The following HSPA4L variants were observed in gnomAD, a reference collection of about 807,000 sequenced individuals.
HSPA4L encodes heat shock protein family A (Hsp70) member 4 like.
HSPA4L carries 48 observed loss-of-function variants against 100.3 expected under a neutral mutation model. The observed-to-expected ratio is 0.48, with a 90% CI of 0.38 to 0.61. HSPA4L has a LOEUF of 0.61. Ranked by LOEUF, HSPA4L falls within the 20% of genes least tolerant of loss-of-function variation. HSPA4L has a pLI of 0.00. For missense variants in HSPA4L, 886 were observed against 988.6 expected, an observed-to-expected ratio of 0.90 and a Z score of 1.39; for synonymous variants, 319 against 328.2, an observed-to-expected ratio of 0.97 and a Z score of 0.30.
chr4:127,817,978 G>T (rs373935421), intron 12 of HSPA4L, among the ~76,000 whole-genome samples: 2 of 152,002 alleles, frequency 1.3e-5, no homozygotes. Context: ...GGTATTTCTC[G>T]TAATGCTATC....
Position 127,834,615 on chromosome 4 carries a change from C to T in HSPA4L, c.*1741C>T, listed in dbSNP as rs1734163175. 1 of 152,148 alleles carries T rather than the reference C, an allele frequency of 6.6e-6. No individual in the cohort carries two copies. Among genetic ancestry groups the T allele is most frequent in the South Asian group, 2.1e-4 (1 of 4,828 alleles). 9.4% of individuals were successfully genotyped at this position (152,148 alleles called of 1,614,324 possible). ...GGTATATCCAATAGGTGATGAAATA[C>T]ATTTTTTACAAACATAGATGCTTTT... is the stretch of plus-strand genomic sequence containing the variant. On this transcript the variant is annotated 3_prime_UTR_variant, in exon 19 of 19. Coordinates refer to ENST00000296464, the MANE Select transcript of HSPA4L (RefSeq NM_014278.4).
At chr4:127,805,602 G>C (rs1733331189) in intron 9 of HSPA4L, 85 bp from the exon 10 acceptor site, 2 of 921,598 alleles carry the variant, frequency 2.2e-6, no homozygotes, top group South Asian at 4.0e-5. Context: ...TGTAATAGGA[G>C]GACTCTATTA....
At chr4:127,831,988 T>G (rs1734095596) in intron 18 of HSPA4L, among the ~76,000 whole-genome samples, 1 of 152,088 alleles carries the variant, frequency 6.6e-6, no homozygotes, top group Admixed American at 6.5e-5. Context: ...ATGTGGAGTG[T>G]GACAAGAGCA....
Position 127,798,695 on chromosome 4 carries a change from G to C in HSPA4L, c.415G>C (p.Asp139His), listed in dbSNP as rs769924862. Reference protein sequence around the residue: ...SENALKKPVADCVISIPSFFT... With the variant: ...SENALKKPVAHCVISIPSFFT... ...AAATGCTTTGAAGAAACCAGTGGCT[G>C]ACTGTGTGATTTCAGTAAGTTTTAC... Residue 139 changes from aspartate (D) to histidine (H), a missense_variant, in exon 4 of 19, where the codon GAC (aspartate) becomes CAC (histidine). By Grantham distance (81) the Asp-to-His change is moderately conservative. Coordinates refer to ENST00000296464, the MANE Select transcript of HSPA4L (RefSeq NM_014278.4). 1 of 1,613,536 alleles carries C rather than the reference G, an allele frequency of 6.2e-7. No individual in the cohort carries two copies. The highest frequency in any genetic ancestry group is 8.5e-7 in the Non-Finnish European group (1 of 1,179,638).
At chr4:127,794,021 A>C (rs1435746289) in intron 1 of HSPA4L, 56 bp from the exon 2 acceptor site, 2 of 1,253,200 alleles carry the variant, frequency 1.6e-6, no homozygotes, top group African/African-American at 1.5e-5. Context: ...GAAGCAAAAT[A>C]ATAGCACAAT....
At chr4:127,796,010 G>A (rs1360700134) in intron 3 of HSPA4L, 102 bp downstream of exon 3, 14 of 1,000,538 alleles carry the variant, frequency 1.4e-5, no homozygotes, top group Non-Finnish European at 2.1e-5. Context: ...TCTAGATACA[G>A]TACATACACA....
At position 127,836,966 on chromosome 4, in the gene HSPA4L, A is replaced by C. The variant is rs771673253; in HGVS notation, c.*4092A>C. 6.6e-6 allele frequency: 1 copy of C among 151,928 alleles called. No homozygotes were observed. Among genetic ancestry groups the C allele is most frequent in the Non-Finnish European group, 1.5e-5 (1 of 67,984 alleles). 9.4% of individuals were successfully genotyped at this position (151,928 alleles called of 1,614,324 possible). ...AATTTTTTTTTTTGTTTTGAGACAG[A>C]GTATGGCTTTGTTACCCAGGCTGGA... On this transcript the variant is annotated 3_prime_UTR_variant, in exon 19 of 19. Transcript: ENST00000296464.
intron 1 of HSPA4L, among the ~76,000 whole-genome samples, chr4:127,786,865 G>A (rs907019747): frequency 1.3e-5 from 2 of 152,154 alleles, no homozygotes; most frequent in African/African-American, 4.8e-5. Flanking sequence ...TAAACATTTG[G>A]AGAAAAAGTA....
At chr4:127,829,539 G>A (rs779157146) in intron 17 of HSPA4L, among the ~76,000 whole-genome samples, 2 of 151,964 alleles carry the variant, frequency 1.3e-5, no homozygotes, top group African/African-American at 4.8e-5. Flanking sequence ...GAAGGTAGAC[G>A]CTTTTAAGAT....
At chr4:127,783,739 T>A in intron 1 of HSPA4L, 1 of 1,422,250 alleles carries the variant, frequency 7.0e-7, no homozygotes, top group Non-Finnish European at 9.6e-7. Context: ...ACCTTAACTA[T>A]ACTAAAACAA....
Position 127,805,218 on chromosome 4 carries a change from G to A in HSPA4L, c.1131G>A (p.Ala377=), listed in dbSNP as rs150594738. Residue 377 remains alanine, a synonymous_variant, in exon 9 of 19, where the codon GCG becomes GCA. Transcript: ENST00000296464. ...ATGAAGCTGTTGCAAGAGGATGTGC[G>A]TTACAGGTATAATTGTTATTTTATT... ...NADEAVARGC[A]LQCAILSPAF... The A allele has an allele frequency of 1.7e-4, 276 of 1,603,978 alleles. No homozygotes were observed. Among genetic ancestry groups the A allele is most frequent in the Non-Finnish European group, 2.2e-4 (264 of 1,176,036 alleles).
At chr4:127,794,888 G>C (rs1401534132) in intron 2 of HSPA4L, among the ~76,000 whole-genome samples, 6 of 152,020 alleles carry the variant, frequency 3.9e-5, no homozygotes, top group Admixed American at 3.9e-4. Flanking sequence ...TGGCTTTAAA[G>C]GTCACTAGGA....
chr4:127,788,864 T>G (rs1732791850), intron 1 of HSPA4L, among the ~76,000 whole-genome samples: 1 of 152,224 alleles, frequency 6.6e-6, no homozygotes, highest in South Asian at 2.1e-4. Context: ...GTACACATCT[T>G]GGCAAGCATA....
rs901112961 is a variant in HSPA4L at position 127,833,766 on chromosome 4, G to A, written c.*892G>A. 6.6e-6 allele frequency: 1 copy of A among 152,060 alleles called. No individual in the cohort carries two copies. The highest frequency in any genetic ancestry group is 1.5e-5 in the Non-Finnish European group (1 of 68,016). 9.4% of individuals were successfully genotyped at this position (152,060 alleles called of 1,614,324 possible). On this transcript the variant is annotated 3_prime_UTR_variant, in exon 19 of 19. Transcript: ENST00000296464. ...ATTTTGTTAATAATACCTTAACACAGGGTAGGAAGAAGTGGCACAGTGTAT... is the reference window on the plus strand; with the variant it reads ...ATTTTGTTAATAATACCTTAACACAAGGTAGGAAGAAGTGGCACAGTGTAT...
chr4:127,823,740 G>A (rs1578720429), intron 16 of HSPA4L, 116 bp downstream of exon 16: 5 of 624,668 alleles, frequency 8.0e-6, no homozygotes, highest in African/African-American at 7.5e-5. Flanking sequence ...GAGGAAAATT[G>A]TATATATTTG....
Position 127,783,761 on chromosome 4 carries a change from A to G in HSPA4L, c.107+1104A>G. 2.4e-6 allele frequency: 3 copies of G among 1,257,980 alleles called. No individual in the cohort carries two copies. The East Asian group carries it at 7.6e-5, about 32-fold the overall frequency. The allele number at this position is 1,257,980 out of a possible 1,614,324, so 77.9% of individuals were successfully genotyped here. A position where few individuals can be genotyped will look rare whatever the true frequency, so the allele number is the denominator to read the frequency against. ...CTATACTAAAACAAGGTCAGTGTCC[A>G]ATGGTCTTTAAATGCCTCATTTACT... On this transcript the variant is annotated intron_variant, in intron 1 of 18. Coordinates refer to ENST00000296464, the MANE Select transcript of HSPA4L (RefSeq NM_014278.4).
Position 127,834,852 on chromosome 4 carries a change from A to AT in HSPA4L, c.*1982dup, listed in dbSNP as rs1361167491. 2 of 152,116 alleles carry AT rather than the reference A, an allele frequency of 1.3e-5. No homozygotes were observed. The highest frequency in any genetic ancestry group is 4.8e-5 in the African/African-American group (2 of 41,444). The allele number at this position is 152,116 out of a possible 1,614,324, so 9.4% of individuals were successfully genotyped here. A position where few individuals can be genotyped will look rare whatever the true frequency, so the allele number is the denominator to read the frequency against. ...TCTAAATTTTCTAGTATATCCTGAC[A>AT]TTTTCCATTCCTGCTCTGAAGTCAC... On this transcript the variant is annotated 3_prime_UTR_variant, in exon 19 of 19. Transcript: ENST00000296464.
chr4:127,804,013 C>T lies in HSPA4L; in HGVS notation c.911C>T (p.Ala304Val), dbSNP rs1733274661. 3 of 1,613,766 alleles carry T rather than the reference C, an allele frequency of 1.9e-6. No individual in the cohort carries two copies. ...DLDVSSKMNR[A>V]QFEQLCASLL... The stretch of plus-strand genomic sequence containing the variant: ...AATTTTATTCTATTTTCTCACAGGG[C>T]TCAATTTGAACAACTGTGTGCTTCC... The change falls in exon 8 of 19, where the codon GCT becomes GTT. Residue 304 changes from alanine to valine, a missense_variant and splice_region_variant. Transcript: ENST00000296464.
rs948099757 is a variant in HSPA4L, at chr4:127,835,755, T to C, written c.*2881T>C. 1 of 151,068 alleles carries C rather than the reference T, an allele frequency of 6.6e-6. No homozygotes were observed. Among genetic ancestry groups the C allele is most frequent in the African/African-American group, 2.4e-5 (1 of 41,044 alleles). 9.4% of individuals were successfully genotyped at this position (151,068 alleles called of 1,614,324 possible). A position where few individuals can be genotyped will look rare whatever the true frequency, so the allele number is the denominator to read the frequency against. On this transcript the variant is annotated 3_prime_UTR_variant, in exon 19 of 19. Transcript: ENST00000296464. Reference sequence around the variant, plus strand: ...AACTAGAAAGAGCACAGCAAAGAATTTGGCTATTGAAATAACAGATAAACT... The same window carrying C: ...AACTAGAAAGAGCACAGCAAAGAATCTGGCTATTGAAATAACAGATAAACT...
Sources: allele counts gnomAD v4.1 joint callset (sites outside exome capture counted in the v4.1 genomes callset), GRCh38; gene constraint gnomAD v4.1.1; transcripts MANE v1.5; gene names NCBI Gene and HGNC (gene_info 2026-07-23, HGNC 2026-07-21).